PTER: variants seen among roughly 807,000 people sequenced by gnomAD.
PTER encodes the protein phosphotriesterase related.
PTER carries 38 observed loss-of-function variants against 29.6 expected under a neutral mutation model. The ratio of observed to expected loss-of-function variants is 1.28; its 90% CI spans 0.99 to 1.68. PTER has a LOEUF of 1.68. PTER is among the 40% of genes most tolerant of loss of function. The pLI is 0.00. For synonymous variants in PTER, 172 were observed against 154.5 expected, an observed-to-expected ratio of 1.11 and a Z score of -0.84; for missense variants, 482 against 427.8, an observed-to-expected ratio of 1.13 and a Z score of -1.12.
chr10:16,457,313 C>T (rs1220250282), intron 1 of PTER, among the ~76,000 whole-genome samples: 2 of 150,404 alleles, frequency 1.3e-5, no homozygotes, highest in Non-Finnish European at 3.0e-5. Context: ...CCCGGGTTCA[C>T]GCCATTCTCC....
chr10:16,509,939 A>T (rs551278373), intron 4 of PTER, among the ~76,000 whole-genome samples: 2 of 152,098 alleles, frequency 1.3e-5, no homozygotes, highest in Admixed American at 1.3e-4. Context: ...TTGTGTGTGT[A>T]GTACCCCACG....
intron 3 of PTER, among the ~76,000 whole-genome samples, chr10:16,502,029 T>C (rs1350997007): frequency 6.6e-6 from 1 of 152,248 alleles, no homozygotes; most frequent in Admixed American, 6.5e-5. Flanking sequence ...AAGAGTTTTC[T>C]AAGGCTTTAC....
At chr10:16,487,236 G>T (rs886282996) in intron 3 of PTER, among the ~76,000 whole-genome samples, 8 of 152,142 alleles carry the variant, frequency 5.3e-5, no homozygotes, top group African/African-American at 1.9e-4. Flanking sequence ...CAGAAATTTA[G>T]TCTCTCAAAG....
intron 1 of PTER, among the ~76,000 whole-genome samples, chr10:16,473,596 T>A (rs1588606450): frequency 6.6e-6 from 1 of 150,922 alleles, no homozygotes; most frequent in East Asian, 2.0e-4. Flanking sequence ...TCACTTTCTG[T>A]TCCTGCCTTG....
intron 4 of PTER, 96 bp from the exon 5 acceptor site, chr10:16,510,950 G>A (rs148755261): frequency 2.0e-5 from 20 of 1,013,718 alleles, no homozygotes; most frequent in African/African-American, 1.6e-4. Context: ...GTATCTTTAC[G>A]ACAAGCACAA....
Position 16,502,638 on chromosome 10 carries a change from G to A in PTER, c.699-2382G>A, listed in dbSNP as rs759227217. 2.8e-4 allele frequency among the ~76,000 whole-genome samples: 43 copies of A among 152,200 alleles called. 1 individual carries two copies. Among genetic ancestry groups the A allele is most frequent in the Non-Finnish European group, 5.0e-4 (34 of 68,014 alleles). ...AACTCCCAGGAATCTCACAGGAAAGGAGAAACTTCCCGCACCCGTGGCACA... is the reference window on the plus strand; with the variant it reads ...AACTCCCAGGAATCTCACAGGAAAGAAGAAACTTCCCGCACCCGTGGCACA... On this transcript the variant is annotated intron_variant, in intron 3 of 4. Coordinates refer to ENST00000535784, the MANE Select transcript of PTER (RefSeq NM_001261836.2).
intron 1 of PTER, among the ~76,000 whole-genome samples, chr10:16,453,335 C>T (rs775440245): frequency 6.6e-6 from 1 of 152,058 alleles, no homozygotes; most frequent in Admixed American, 6.6e-5. Flanking sequence ...TTATTGGAAA[C>T]TAAAAATTGT....
chr10:16,495,020 G>A (rs1470822984), intron 3 of PTER, among the ~76,000 whole-genome samples: 1 of 151,862 alleles, frequency 6.6e-6, no homozygotes, highest in African/African-American at 2.4e-5. Context: ...AGGTTATTAA[G>A]TCTATAATTC....
chr10:16,468,119 A>G (rs1289092280), intron 1 of PTER, among the ~76,000 whole-genome samples: 1 of 152,180 alleles, frequency 6.6e-6, no homozygotes, highest in Admixed American at 6.5e-5. Flanking sequence ...AGGCAGGCGG[A>G]TCACTTTAGG....
At chr10:16,461,694 C>G (rs1207774217) in intron 1 of PTER, among the ~76,000 whole-genome samples, 1 of 152,118 alleles carries the variant, frequency 6.6e-6, no homozygotes, top group Non-Finnish European at 1.5e-5. Context: ...TTAATAAAGG[C>G]GACCTCTAGA....
At chr10:16,441,364 A>G (rs1288235975) in intron 1 of PTER, among the ~76,000 whole-genome samples, 3 of 152,196 alleles carry the variant, frequency 2.0e-5, no homozygotes, top group Non-Finnish European at 4.4e-5. Context: ...AATCATCCGT[A>G]CTTACCATTG....
intron 1 of PTER, among the ~76,000 whole-genome samples, chr10:16,476,824 A>G (rs1202751448): frequency 1.3e-5 from 2 of 151,870 alleles, no homozygotes; most frequent in African/African-American, 4.8e-5. Context: ...CAGCCTCTCA[A>G]AGTCCTGGAA....
At chr10:16,514,509 A>C, downstream of PTER, 1 of 1,605,578 alleles carries the variant, frequency 6.2e-7, no homozygotes. Context: ...TCAGAATAAT[A>C]AGCTTAGTTT....
At chr10:16,490,696 C>CA in intron 3 of PTER, among the ~76,000 whole-genome samples, 1 of 150,532 alleles carries the variant, frequency 6.6e-6, no homozygotes, top group Middle Eastern at 3.4e-3. Context: ...TTTCTGTGAA[C>CA]ATCTAGTCTG....
intron 3 of PTER, among the ~76,000 whole-genome samples, chr10:16,498,921 C>T (rs34878452): frequency 0.25 from 37,603 of 152,140 alleles, 4,733 homozygotes; most frequent in Middle Eastern, 0.34. Flanking sequence ...ACGTTCACGG[C>T]GCAAGGTGCT....
rs56800279 is a variant in PTER at position 16,508,070 on chromosome 10, C to CTTT, written c.839+2924_839+2926dup. On this transcript the variant is annotated intron_variant, in intron 4 of 4. Transcript: ENST00000535784. ...ATTTCTTTTTTCTTTTTTTCTTTTT[C>CTTT]TTTTTTTTTTTTTTTTGAGATGGAG... is the stretch of plus-strand genomic sequence containing the variant. Among the ~76,000 whole-genome samples, 53 of 127,852 alleles carry CTTT rather than the reference C, an allele frequency of 4.1e-4. 1 individual carries two copies. Among genetic ancestry groups the CTTT allele is most frequent in the African/African-American group, 1.3e-3 (44 of 32,664 alleles). The allele number at this position is 127,852 out of a possible 152,430, so 83.9% of individuals were successfully genotyped here.
At chr10:16,454,029 G>C (rs116065715) in intron 1 of PTER, among the ~76,000 whole-genome samples, 2,721 of 152,286 alleles carry the variant, frequency 0.018, 89 homozygotes, top group African/African-American at 0.063. Context: ...AGTTGGTAAA[G>C]TTTTAGCTTT....
At chr10:16,502,566 A>G (rs1331640662) in intron 3 of PTER, among the ~76,000 whole-genome samples, 1 of 152,148 alleles carries the variant, frequency 6.6e-6, no homozygotes, top group Non-Finnish European at 1.5e-5. Flanking sequence ...GAATAAATGA[A>G]AAGGAGCCAG....
chr10:16,490,315 G>A (rs1174666175), intron 3 of PTER, among the ~76,000 whole-genome samples: 4 of 152,114 alleles, frequency 2.6e-5, no homozygotes, highest in Non-Finnish European at 5.9e-5. Context: ...AGTCCAAAAA[G>A]CATTAAGGTG....
Sources: allele counts gnomAD v4.1 joint callset (sites outside exome capture counted in the v4.1 genomes callset), GRCh38; gene constraint gnomAD v4.1.1; transcripts MANE v1.5; gene names NCBI Gene and HGNC (gene_info 2026-07-23, HGNC 2026-07-21).